UBA3: variants seen among roughly 807,000 people sequenced by gnomAD.
UBA3 encodes the protein NEDD8-activating enzyme E1 catalytic subunit.
In UBA3, 26 loss-of-function variants were observed where a neutral mutation model predicts 73.5. The observed-to-expected ratio is 0.35, with a 90% CI of 0.26 to 0.49. The LOEUF (loss-of-function observed/expected upper bound fraction) is 0.49. Among genes scored for constraint, UBA3 ranks in the 20% least tolerant of loss-of-function variants. The pLI, the probability that UBA3 is intolerant of heterozygous loss-of-function variation, is 0.98. For synonymous variants in UBA3, 217 were observed against 191.2 expected (o/e 1.13, Z -1.11); for missense variants, 495 against 555.6 (o/e 0.89, Z 1.10).
chr3:69,068,154 G>A, intron 5 of UBA3, 146 bp from the exon 6 acceptor site: 1 of 544,544 alleles, frequency 1.8e-6, no homozygotes, highest in Non-Finnish European at 3.1e-6. Context: ...TTTGATTTCA[G>A]TAATAACTTT....
In UBA3 at chr3:69,077,795, C is replaced by T; in HGVS notation, c.183+3G>A. The T allele has an allele frequency of 6.2e-7, 1 of 1,608,558 alleles. No homozygotes were observed. On this transcript the variant is annotated splice_donor_region_variant and intron_variant, in intron 3 of 17. Transcript: ENST00000361055. The stretch of plus-strand genomic sequence containing the variant: ...CAGTTATTTAAAAATAAACGTTTCT[C>T]ACTTCAGTGCTCGGTTCGAAATCAG...
chr3:69,063,681 TG>T (rs1368956181), intron 7 of UBA3, among the ~76,000 whole-genome samples, 178 bp from the exon 8 acceptor site: 6 of 152,144 alleles, frequency 3.9e-5, no homozygotes, highest in Non-Finnish European at 7.3e-5. Flanking sequence ...AAAAATTTTC[TG>T]TTCAATTTTG....
At position 69,063,654 on chromosome 3, in the gene UBA3, T is replaced by C. The variant is rs923508103; in HGVS notation, c.473-151A>G. 39 of 655,364 alleles carry C rather than the reference T, an allele frequency of 6.0e-5. No homozygotes were observed. The African/African-American group carries it at 7.3e-4, about 12-fold the overall frequency. 40.6% of individuals were successfully genotyped at this position (655,364 alleles called of 1,614,324 possible). ...GTGTTTGTGGGAACAGGAAGCTCTA[T>C]GAGAACCCAAGTTTTCAAAAATTTT... On this transcript the variant is annotated intron_variant, in intron 7 of 17. Coordinates refer to ENST00000361055, the MANE Select transcript of UBA3 (RefSeq NM_003968.4).
Position 69,056,711 on chromosome 3 carries a change from T to A in UBA3, c.1002-18A>T. ...TGTATGCACTGTAATGAAAAAATGT[T>A]CATCTTTATATAATTAAACCAAGTC... On this transcript the variant is annotated intron_variant, in intron 13 of 17. Transcript: ENST00000361055. 1 of 1,611,690 alleles carries A rather than the reference T, an allele frequency of 6.2e-7. No homozygotes were observed. Among genetic ancestry groups the A allele is most frequent in the Non-Finnish European group, 8.5e-7 (1 of 1,178,808 alleles).
At chr3:69,064,630 T>C (rs932564563) in intron 6 of UBA3, among the ~76,000 whole-genome samples, 1 of 152,166 alleles carries the variant, frequency 6.6e-6, no homozygotes, top group Non-Finnish European at 1.5e-5. Context: ...GGAGAAAAAG[T>C]ACGAATTTTT....
At position 69,077,917 on chromosome 3, in the gene UBA3, T is replaced by A. The variant is rs1165899409; in HGVS notation, c.64A>T (p.Met22Leu). ...RRIEELLAEKMAVDGGCGDTG... is the reference protein window; with the variant it reads ...RRIEELLAEKLAVDGGCGDTG... ...TCCCCACACCCACCATCAACAGCCATTCTGCACAGAACACAGTAAATTCAG... is the reference window on the plus strand; with the variant it reads ...TCCCCACACCCACCATCAACAGCCAATCTGCACAGAACACAGTAAATTCAG... The change falls in exon 3 of 18, where the codon ATG (methionine) becomes TTG (leucine). Residue 22 changes from methionine to leucine, a missense_variant and splice_region_variant. Coordinates refer to ENST00000361055, the MANE Select transcript of UBA3 (RefSeq NM_003968.4). The A allele has an allele frequency of 6.2e-7, 1 of 1,613,812 alleles. No homozygotes were observed.
At chr3:69,057,185 C>CA (rs527716149) in intron 12 of UBA3, 71 bp downstream of exon 12, 25 of 1,490,538 alleles carry the variant, frequency 1.7e-5, no homozygotes, top group Non-Finnish European at 2.3e-5. Context: ...TCCTACAACA[C>CA]AAAAAAGCTG....
At chr3:69,072,177 A>G (rs2092126579) in intron 4 of UBA3, among the ~76,000 whole-genome samples, 1 of 152,188 alleles carries the variant, frequency 6.6e-6, no homozygotes, top group Admixed American at 6.5e-5. Flanking sequence ...AAAACAAAAA[A>G]CCTGTTAGGT....
At chr3:69,068,124 G>T in intron 5 of UBA3, 116 bp from the exon 6 acceptor site, 1 of 671,226 alleles carries the variant, frequency 1.5e-6, no homozygotes, top group Non-Finnish European at 2.3e-6. Flanking sequence ...AATTTAGAAG[G>T]AATATTTTTG....
At position 69,057,922 on chromosome 3, in the gene UBA3, TTC is replaced by T. The variant is rs1349523061; in HGVS notation, c.911-615_911-614del. Among the ~76,000 whole-genome samples, 36 of 95,110 alleles carry T rather than the reference TTC, an allele frequency of 3.8e-4. No individual in the cohort carries two copies. In the East Asian group the frequency reaches 8.6e-3, roughly 23 times the overall value. 62.4% of individuals were successfully genotyped at this position (95,110 alleles called of 152,430 possible). ...AGTTCTCTACTTCAACCCCACATTT[TTC>T]TTTTTTTTTTTTTTTTTTTGAGACA... On this transcript the variant is annotated intron_variant, in intron 11 of 17. Transcript: ENST00000361055.
chr3:69,070,491 TAG>T (rs1043781059), intron 5 of UBA3, among the ~76,000 whole-genome samples: 1 of 151,830 alleles, frequency 6.6e-6, no homozygotes, highest in East Asian at 1.9e-4. Flanking sequence ...ACTTCCTAAA[TAG>T]AGAGAGAAAA....
At chr3:69,071,760 C>G (rs1054040637) in intron 4 of UBA3, 143 bp from the exon 5 acceptor site, 2 of 541,438 alleles carry the variant, frequency 3.7e-6, no homozygotes, top group Non-Finnish European at 6.4e-6. Flanking sequence ...AAGACTCTTG[C>G]AAGGTATATA....
At chr3:69,073,441 C>A (rs1019814531) in intron 4 of UBA3, among the ~76,000 whole-genome samples, 26 of 152,126 alleles carry the variant, frequency 1.7e-4, no homozygotes, top group African/African-American at 4.3e-4. Context: ...CTCAATAGCA[C>A]CTTTTTGTAA....
intron 1 of UBA3, 54 bp from the exon 2 acceptor site, chr3:69,080,207 G>C: frequency 6.4e-7 from 1 of 1,569,872 alleles, no homozygotes; most frequent in South Asian, 1.1e-5. Flanking sequence ...TGGGCGCCGC[G>C]AGGGGAGGGG....
At chr3:69,077,628 TCAAA>T in intron 3 of UBA3, 166 bp downstream of exon 3, 3 of 709,424 alleles carry the variant, frequency 4.2e-6, no homozygotes, top group Non-Finnish European at 4.1e-6. Context: ...ACTCAAATAT[TCAAA>T]CAAAATCAGT....
chr3:69,056,885 T>A, intron 12 of UBA3, 70 bp from the exon 13 acceptor site: 2 of 1,498,642 alleles, frequency 1.3e-6, no homozygotes, highest in Non-Finnish European at 1.8e-6. Flanking sequence ...CAGTTATAAA[T>A]CAGAACAGAT....
chr3:69,073,786 C>T (rs1230847500), intron 4 of UBA3, among the ~76,000 whole-genome samples: 1 of 145,892 alleles, frequency 6.9e-6, no homozygotes, highest in Non-Finnish European at 1.6e-5. Flanking sequence ...CAGGCACCTG[C>T]CACCACGCCC....
chr3:69,080,257 G>C (rs1418879342), intron 1 of UBA3, 77 bp downstream of exon 1: 4 of 1,567,456 alleles, frequency 2.6e-6, no homozygotes, highest in Non-Finnish European at 3.5e-6. Flanking sequence ...ACCCCGGGTG[G>C]CGGCGGCAAC....
At chr3:69,079,442 A>AT in intron 2 of UBA3, among the ~76,000 whole-genome samples, 1 of 152,282 alleles carries the variant, frequency 6.6e-6, no homozygotes, top group East Asian at 1.9e-4. Context: ...ATGCAAGAGT[A>AT]TTTTTTCCCT....
Sources: gnomAD v4.1 joint callset for allele counts (sites outside exome capture counted in the v4.1 genomes callset) on GRCh38, gnomAD v4.1.1 for gene constraint, MANE v1.5 for transcripts, NCBI Gene and HGNC (gene_info 2026-07-23, HGNC 2026-07-21) for gene names.